The following EVI5 variants were observed in gnomAD, a reference collection of about 807,000 sequenced individuals.
EVI5 encodes ecotropic viral integration site 5 protein homolog.
A neutral mutation model predicts 112.0 loss-of-function variants in EVI5; 73 were observed. That is an observed-to-expected ratio of 0.65 (90% CI 0.54 to 0.79). EVI5 has a LOEUF of 0.79. EVI5 is among the 30% of genes least tolerant of loss of function. EVI5 has a pLI of 0.00. For missense variants in EVI5, 900 were observed against 968.8 expected (o/e 0.93, Z 0.94); for synonymous variants, 305 against 319.9 (o/e 0.95, Z 0.50).
chr1:92,707,181 A>C (rs1672136468), intron 2 of EVI5, among the ~76,000 whole-genome samples: 1 of 127,274 alleles, frequency 7.9e-6, no homozygotes, highest in African/African-American at 2.9e-5. Flanking sequence ...CTCTGTCTCA[A>C]AAAAAAAAAA....
chr1:92,523,546 GTTTC>G (rs1303708493), intron 19 of EVI5, among the ~76,000 whole-genome samples: 1 of 151,950 alleles, frequency 6.6e-6, no homozygotes, highest in Non-Finnish European at 1.5e-5. Context: ...TACAATCTTT[GTTTC>G]TTTCTAATGA....
Position 92,728,048 on chromosome 1 carries a change from G to A in EVI5, c.149+8350C>T, listed in dbSNP as rs567047535. Among the ~76,000 whole-genome samples the A allele has an allele frequency of 6.6e-5, 10 of 151,336 alleles. No individual in the cohort carries two copies. In the South Asian group the frequency reaches 1.9e-3, roughly 28 times the overall value. ...AAAAATAGAATACAAGCAAAAGGCT[G>A]GGAAAATATATAAGATGTTAACACT... On this transcript the variant is annotated intron_variant, in intron 2 of 19. Coordinates refer to ENST00000684568, the MANE Select transcript of EVI5 (RefSeq NM_001350197.2).
chr1:92,538,075 G>A (rs1235331950), intron 19 of EVI5, among the ~76,000 whole-genome samples: 1 of 152,068 alleles, frequency 6.6e-6, no homozygotes, highest in African/African-American at 2.4e-5. Context: ...AGAAGAGAGG[G>A]GGAGTCATTT....
At chr1:92,621,415 G>A (rs1445808220) in intron 16 of EVI5, among the ~76,000 whole-genome samples, 4 of 152,158 alleles carry the variant, frequency 2.6e-5, no homozygotes, top group Admixed American at 6.5e-5. Context: ...GGGTTCAACC[G>A]ATTCTCCTGC....
intron 1 of EVI5, among the ~76,000 whole-genome samples, chr1:92,777,361 T>C (rs370414645): frequency 6.6e-6 from 1 of 152,196 alleles, no homozygotes; most frequent in Admixed American, 6.5e-5. Context: ...GCCCAATCCA[T>C]TTCTCCAGGC....
At chr1:92,733,052 T>C in intron 2 of EVI5, 1 of 189,338 alleles carries the variant, frequency 5.3e-6, no homozygotes, top group Non-Finnish European at 1.1e-5. Flanking sequence ...GTCTCCATTT[T>C]ATTTAAAAAA....
intron 2 of EVI5, among the ~76,000 whole-genome samples, chr1:92,734,336 C>T (rs190188394): frequency 2.6e-5 from 4 of 152,246 alleles, no homozygotes; most frequent in East Asian, 1.9e-4. Flanking sequence ...CATTACGGTC[C>T]GTGTATAAAT....
intron 9 of EVI5, 107 bp from the exon 10 acceptor site, chr1:92,677,325 T>C (rs1417002199): frequency 6.8e-6 from 4 of 588,970 alleles, no homozygotes; most frequent in Non-Finnish European, 1.1e-5. Context: ...ATTTCTTTAG[T>C]TTCTTCTAGC....
chr1:92,583,906 T>G (rs1672369015), intron 18 of EVI5, among the ~76,000 whole-genome samples: 1 of 152,210 alleles, frequency 6.6e-6, no homozygotes, highest in Non-Finnish European at 1.5e-5. Context: ...ATAGGTATCA[T>G]ACCTCTAAAG....
intron 9 of EVI5, among the ~76,000 whole-genome samples, chr1:92,687,221 T>A (rs999077306): frequency 6.6e-6 from 1 of 152,110 alleles, no homozygotes; most frequent in Non-Finnish European, 1.5e-5. Flanking sequence ...AACAGAGGCC[T>A]CAGAAATAAC....
chr1:92,568,164 C>T (rs914026174), intron 18 of EVI5, among the ~76,000 whole-genome samples: 2 of 151,792 alleles, frequency 1.3e-5, no homozygotes, highest in Non-Finnish European at 2.9e-5. Flanking sequence ...CTTGAGCCCA[C>T]GAGTTCAAAA....
intron 19 of EVI5, among the ~76,000 whole-genome samples, chr1:92,538,967 T>A (rs1664327442): frequency 6.6e-6 from 1 of 152,176 alleles, no homozygotes; most frequent in Non-Finnish European, 1.5e-5. Context: ...TGTTAAAGAA[T>A]TAGAACTTAT....
chr1:92,657,326 G>C (rs1292889068), intron 13 of EVI5, among the ~76,000 whole-genome samples: 1 of 152,018 alleles, frequency 6.6e-6, no homozygotes, highest in Non-Finnish European at 1.5e-5. Context: ...ATAAAATTCG[G>C]CATCCCTTCA....
At chr1:92,783,622 G>A (rs1247182806) in intron 1 of EVI5, among the ~76,000 whole-genome samples, 1 of 151,510 alleles carries the variant, frequency 6.6e-6, no homozygotes, top group African/African-American at 2.4e-5. Context: ...GACCATCGTG[G>A]CCAACATGGT....
chr1:92,784,604 T>C (rs559817167), intron 1 of EVI5: 2 of 310,432 alleles, frequency 6.4e-6, no homozygotes, highest in African/African-American at 4.5e-5. Context: ...ACGAGTTTCT[T>C]CCCCAGCGCC....
rs114309661 is a variant in EVI5 at position 92,541,687 on chromosome 1, G to A, written c.2166+21955C>T. On this transcript the variant is annotated intron_variant, in intron 19 of 19. Transcript: ENST00000684568. The stretch of plus-strand genomic sequence containing the variant: ...GAATGCTCAAAATAATATTATTTAT[G>A]ATAGCCAAAAAGTGGGAATAAAGCA... 4.5e-3 allele frequency among the ~76,000 whole-genome samples: 684 copies of A among 152,262 alleles called. 11 individuals carry two copies. Among genetic ancestry groups the A allele is most frequent in the African/African-American group, 0.016 (648 of 41,560 alleles).
At chr1:92,570,282 A>G (rs1670136140) in intron 18 of EVI5, among the ~76,000 whole-genome samples, 1 of 152,158 alleles carries the variant, frequency 6.6e-6, no homozygotes, top group South Asian at 2.1e-4. Flanking sequence ...ACATATGCTC[A>G]GCTGTCCTTT....
chr1:92,682,022 G>C (rs1406384520), intron 9 of EVI5, among the ~76,000 whole-genome samples: 1 of 152,070 alleles, frequency 6.6e-6, no homozygotes, highest in African/African-American at 2.4e-5. Context: ...ATGTTGCCCA[G>C]GCTGGTCTCA....
intron 9 of EVI5, among the ~76,000 whole-genome samples, chr1:92,683,516 G>A (rs1417641705): frequency 6.6e-6 from 1 of 152,190 alleles, no homozygotes; most frequent in Admixed American, 6.5e-5. Context: ...AAGGATCACA[G>A]CTCCTCGCCA....
Sources: gnomAD v4.1 joint callset for allele counts (sites outside exome capture counted in the v4.1 genomes callset) on GRCh38, gnomAD v4.1.1 for gene constraint, MANE v1.5 for transcripts, NCBI Gene and HGNC (gene_info 2026-07-23, HGNC 2026-07-21) for gene names.